The following DPP6 variants were observed in gnomAD, a reference collection of about 807,000 sequenced individuals.
DPP6 encodes the protein A-type potassium channel modulatory protein DPP6.
DPP6 carries 69 observed loss-of-function variants against 122.6 expected under a neutral mutation model. The observed-to-expected ratio is 0.56, with a 90% CI of 0.46 to 0.69. The LOEUF (loss-of-function observed/expected upper bound fraction) is 0.69, where lower values mean the gene tolerates loss of function less well. Among genes scored for constraint, DPP6 ranks in the 30% least tolerant of loss-of-function variants. The probability of loss-of-function intolerance (pLI) is 0.00; values close to 1 mark genes in which losing one functional copy is unlikely to be tolerated. For missense variants in DPP6, 928 were observed against 1,116.9 expected (o/e 0.83, Z 2.41); for synonymous variants, 418 against 433.1 (o/e 0.97, Z 0.43).
chr7:154,111,957 C>T (rs1206548419), intron 1 of DPP6, among the ~76,000 whole-genome samples: 1 of 152,036 alleles, frequency 6.6e-6, no homozygotes, highest in Non-Finnish European at 1.5e-5. Flanking sequence ...AAATTTTGAT[C>T]AAAATTTTAT....
At chr7:154,499,490 G>T (rs1474625971) in intron 3 of DPP6, among the ~76,000 whole-genome samples, 1 of 152,178 alleles carries the variant, frequency 6.6e-6, no homozygotes, top group South Asian at 2.1e-4. Flanking sequence ...TAAGTCTTGA[G>T]ATGGAGCAGC....
intron 21 of DPP6, 115 bp downstream of exon 21, chr7:154,881,057 A>C (rs940076982): frequency 5.0e-6 from 7 of 1,401,122 alleles, no homozygotes; most frequent in Non-Finnish European, 5.6e-6. Context: ...TGAGCAAGTA[A>C]TTTTTTAAAA....
chr7:154,473,313 A>G (rs1384135810), intron 2 of DPP6, among the ~76,000 whole-genome samples: 1 of 152,192 alleles, frequency 6.6e-6, no homozygotes, highest in Non-Finnish European at 1.5e-5. Context: ...CACACCTAGA[A>G]AGCTCCTAGA....
In DPP6 at chr7:154,893,195, G is replaced by C; in HGVS notation, c.*715G>C. The C allele has an allele frequency of 7.4e-6, 2 of 269,028 alleles. No individual in the cohort carries two copies. The highest frequency in any genetic ancestry group is 2.9e-5 in the South Asian group (1 of 34,784). 16.7% of individuals were successfully genotyped at this position (269,028 alleles called of 1,614,324 possible). A position where few individuals can be genotyped will look rare whatever the true frequency, so the allele number is the denominator to read the frequency against. ...TTTCTCCAGTCCACGTGTAGACTTT[G>C]CGCTTGATGAAGAAGCAGATCGGAA... On this transcript the variant is annotated 3_prime_UTR_variant, in exon 26 of 26. Transcript: ENST00000377770.
At chr7:154,673,905 C>T (rs909954801) in intron 7 of DPP6, among the ~76,000 whole-genome samples, 6 of 149,640 alleles carry the variant, frequency 4.0e-5, no homozygotes, top group African/African-American at 7.4e-5. Context: ...TAACTGGAAT[C>T]TCCCTCTGTC....
At chr7:153,911,642 C>A (rs1800097504) in intron 1 of DPP6, among the ~76,000 whole-genome samples, 1 of 152,194 alleles carries the variant, frequency 6.6e-6, no homozygotes, top group South Asian at 2.1e-4. Context: ...TTGGTAATCA[C>A]TGTGTCAGTG....
chr7:153,965,031 C>A (rs112710186), intron 1 of DPP6, among the ~76,000 whole-genome samples: 1 of 120,080 alleles, frequency 8.3e-6, no homozygotes, highest in Non-Finnish European at 1.6e-5. Flanking sequence ...TTCCTTCCTT[C>A]CTTTCTTTCT....
intron 7 of DPP6, among the ~76,000 whole-genome samples, chr7:154,687,577 C>G (rs1839693501): frequency 6.6e-6 from 1 of 152,100 alleles, no homozygotes; most frequent in Non-Finnish European, 1.5e-5. Flanking sequence ...CGCATCATTT[C>G]TTTATACATT....
At chr7:154,442,253 C>A (rs1819442438) in intron 1 of DPP6, among the ~76,000 whole-genome samples, 1 of 146,708 alleles carries the variant, frequency 6.8e-6, no homozygotes, top group Non-Finnish European at 1.5e-5. Flanking sequence ...AGTAGTTTGC[C>A]CCCCTGGTAA....
At position 154,629,238 on chromosome 7, in the gene DPP6, A is replaced by G. The variant is rs141398538; in HGVS notation, c.628-8583A>G. On this transcript the variant is annotated intron_variant, in intron 5 of 25. Transcript: ENST00000377770. ...ATGGAACACTTCAAAATTGCAAGAAAATAAACCCTTTGAGTAAACACTTCA... is the reference window on the plus strand; with the variant it reads ...ATGGAACACTTCAAAATTGCAAGAAGATAAACCCTTTGAGTAAACACTTCA... Among the ~76,000 whole-genome samples, 12 of 152,330 alleles carry G rather than the reference A, an allele frequency of 7.9e-5. No homozygotes were observed. In the East Asian group the frequency reaches 1.9e-3, roughly 24 times the overall value.
intron 4 of DPP6, among the ~76,000 whole-genome samples, chr7:154,559,777 T>C (rs985846791): frequency 2.6e-5 from 4 of 151,812 alleles, no homozygotes; most frequent in Non-Finnish European, 4.4e-5. Context: ...ACATTAAGAA[T>C]TTGTATAGGC....
intron 1 of DPP6, among the ~76,000 whole-genome samples, chr7:153,947,009 A>G (rs984734999): frequency 1.3e-5 from 2 of 152,118 alleles, no homozygotes; most frequent in Middle Eastern, 3.2e-3. Flanking sequence ...GTCTTTGCTG[A>G]CGGTGTGATA....
intron 1 of DPP6, among the ~76,000 whole-genome samples, chr7:154,013,017 C>G (rs1455827746): frequency 1.3e-5 from 2 of 152,178 alleles, no homozygotes; most frequent in Non-Finnish European, 2.9e-5. Context: ...ATATTCCAGC[C>G]TCTTTCACAG....
At chr7:154,105,062 G>T (rs964098385) in intron 1 of DPP6, among the ~76,000 whole-genome samples, 5 of 152,242 alleles carry the variant, frequency 3.3e-5, no homozygotes, top group Admixed American at 1.3e-4. Flanking sequence ...AGGAGGTCAA[G>T]GCTGCACTGA....
intron 1 of DPP6, among the ~76,000 whole-genome samples, chr7:154,338,691 T>G (rs1351028614): frequency 6.6e-6 from 1 of 152,220 alleles, no homozygotes; most frequent in Non-Finnish European, 1.5e-5. Flanking sequence ...CATTGTCAGC[T>G]TCTTTACAAA....
intron 1 of DPP6, among the ~76,000 whole-genome samples, chr7:154,159,046 G>C (rs1172572961): frequency 6.6e-6 from 1 of 152,092 alleles, no homozygotes; most frequent in Non-Finnish European, 1.5e-5. Context: ...CTCCCATCTC[G>C]TGTGTTACTG....
intron 1 of DPP6, among the ~76,000 whole-genome samples, chr7:154,292,304 C>T (rs1235283206): frequency 1.3e-5 from 2 of 152,120 alleles, no homozygotes; most frequent in African/African-American, 2.4e-5. Flanking sequence ...CTCTGTCATC[C>T]CACGCAGGGT....
chr7:154,439,360 A>G (rs1006989873), intron 1 of DPP6, among the ~76,000 whole-genome samples: 2 of 152,236 alleles, frequency 1.3e-5, no homozygotes, highest in Non-Finnish European at 2.9e-5. Flanking sequence ...CTTCATAGCC[A>G]TCTTTTCACT....
At chr7:154,487,443 G>C (rs946709391) in intron 3 of DPP6, among the ~76,000 whole-genome samples, 2 of 152,152 alleles carry the variant, frequency 1.3e-5, no homozygotes, top group Admixed American at 6.5e-5. Context: ...TTTCTTCAAG[G>C]TCAAGCTCAA....
Sources: allele counts gnomAD v4.1 joint callset (sites outside exome capture counted in the v4.1 genomes callset), GRCh38; gene constraint gnomAD v4.1.1; transcripts MANE v1.5; gene names NCBI Gene and HGNC (gene_info 2026-07-23, HGNC 2026-07-21).